The following GDA variants were observed in gnomAD, a reference collection of about 807,000 sequenced individuals.
GDA encodes the protein cytoplasmic PSD-95 interactor.
In GDA, 18 loss-of-function variants were observed where a neutral mutation model predicts 59.6. The ratio of observed to expected loss-of-function variants is 0.30; its 90% CI spans 0.21 to 0.45. The LOEUF is 0.45. Among genes scored for constraint, GDA ranks in the 20% least tolerant of loss-of-function variants. GDA has a pLI of 1.00. For synonymous variants in GDA, 201 were observed against 201.1 expected, an observed-to-expected ratio of 1.00 and a Z score of 0.00; for missense variants, 427 against 552.3, an observed-to-expected ratio of 0.77 and a Z score of 2.27.
chr9:72,230,965 G>A (rs1009124731), intron 9 of GDA, 149 bp from the exon 10 acceptor site: 4 of 645,194 alleles, frequency 6.2e-6, no homozygotes, highest in Non-Finnish European at 1.1e-5. Flanking sequence ...GACTTGGATG[G>A]TCTGATTTGA....
chr9:72,220,536 C>G (rs1183821237), intron 6 of GDA, among the ~76,000 whole-genome samples: 2 of 152,134 alleles, frequency 1.3e-5, no homozygotes, highest in Non-Finnish European at 2.9e-5. Flanking sequence ...TTTATTAGGA[C>G]AATCTCAGTC....
At chr9:72,171,362 A>G (rs1829954457) in intron 1 of GDA, among the ~76,000 whole-genome samples, 1 of 152,168 alleles carries the variant, frequency 6.6e-6, no homozygotes, top group South Asian at 2.1e-4. Context: ...TAAGCATACC[A>G]TGTATATTTG....
At chr9:72,160,580 GAAT>G (rs1283543474) in intron 1 of GDA, among the ~76,000 whole-genome samples, 1 of 152,156 alleles carries the variant, frequency 6.6e-6, no homozygotes, top group Non-Finnish European at 1.5e-5. Context: ...TTTTATGGCT[GAAT>G]AATAGTCCAT....
At chr9:72,182,509 A>C (rs1202796483) in intron 1 of GDA, among the ~76,000 whole-genome samples, 1 of 152,210 alleles carries the variant, frequency 6.6e-6, no homozygotes, top group Non-Finnish European at 1.5e-5. Context: ...TCAGTACATC[A>C]TATCAGGAGG....
At chr9:72,137,234 C>CTT (rs1165280819) in intron 1 of GDA, among the ~76,000 whole-genome samples, 1 of 93,414 alleles carries the variant, frequency 1.1e-5, no homozygotes, top group Non-Finnish European at 2.2e-5. Context: ...GGATCCTTTT[C>CTT]TTTTTTTCTT....
chr9:72,170,189 A>T (rs1268533271), intron 1 of GDA, among the ~76,000 whole-genome samples: 1 of 152,246 alleles, frequency 6.6e-6, no homozygotes, highest in Non-Finnish European at 1.5e-5. Context: ...TGCTGTGCTT[A>T]TGAAAACACA....
At chr9:72,220,608 C>T (rs1188106348) in intron 6 of GDA, among the ~76,000 whole-genome samples, 1 of 152,016 alleles carries the variant, frequency 6.6e-6, no homozygotes, top group African/African-American at 2.4e-5. Flanking sequence ...TTTTCCTTAC[C>T]CCCCTCTGGG....
chr9:72,207,425 G>A lies in GDA; in HGVS notation c.385-3262G>A, dbSNP rs187924659. ...TCACTCTTACTATTTATAATAACCT[G>A]TTCCTCTTTCAAGATATGACATCCT... is the stretch of plus-strand genomic sequence containing the variant. On this transcript the variant is annotated intron_variant, in intron 3 of 13. Transcript: ENST00000358399. Among the ~76,000 whole-genome samples the A allele has an allele frequency of 2.3e-4, 35 of 152,248 alleles. No homozygotes were observed. In the East Asian group the frequency reaches 6.4e-3, roughly 28 times the overall value.
intron 1 of GDA, among the ~76,000 whole-genome samples, chr9:72,121,551 C>A (rs930881419): frequency 6.6e-6 from 1 of 152,116 alleles, no homozygotes; most frequent in East Asian, 1.9e-4. Flanking sequence ...GAGCTGAGAT[C>A]GCGCCATTGC....
At chr9:72,252,802 T>C (rs1254552127), downstream of GDA, among the ~76,000 whole-genome samples, 3 of 152,292 alleles carry the variant, frequency 2.0e-5, no homozygotes, top group East Asian at 5.8e-4. Flanking sequence ...GCAGATATGT[T>C]ACTTTAAGTG....
At chr9:72,227,793 A>G (rs755213558) in intron 8 of GDA, 150 bp from the exon 9 acceptor site, 26 of 599,284 alleles carry the variant, frequency 4.3e-5, no homozygotes, top group Non-Finnish European at 7.8e-5. Context: ...GTACCTAGCA[A>G]CTTTGTACAT....
chr9:72,167,736 A>T (rs1404402554), intron 1 of GDA, among the ~76,000 whole-genome samples: 4 of 152,222 alleles, frequency 2.6e-5, no homozygotes, highest in African/African-American at 9.6e-5. Context: ...TGGTGTGCTA[A>T]TCAGTATCCC....
chr9:72,200,067 T>G (rs1397079848), intron 2 of GDA, among the ~76,000 whole-genome samples: 1 of 149,610 alleles, frequency 6.7e-6, no homozygotes, highest in East Asian at 2.0e-4. Flanking sequence ...GCATGATCTC[T>G]GCTCACCTCA....
chr9:72,246,074 AC>A (rs1376917522), intron 12 of GDA, among the ~76,000 whole-genome samples: 4 of 152,208 alleles, frequency 2.6e-5, no homozygotes, highest in Non-Finnish European at 4.4e-5. Flanking sequence ...ATTTTTCTCT[AC>A]CCATCTTAGG....
At chr9:72,123,872 C>A (rs1022800532) in intron 1 of GDA, among the ~76,000 whole-genome samples, 1 of 152,106 alleles carries the variant, frequency 6.6e-6, no homozygotes, top group Non-Finnish European at 1.5e-5. Flanking sequence ...ACAAAGAATT[C>A]ATTTAATTAA....
chr9:72,193,466 A>C (rs1047035920), intron 1 of GDA, among the ~76,000 whole-genome samples: 1 of 152,196 alleles, frequency 6.6e-6, no homozygotes, highest in Non-Finnish European at 1.5e-5. Context: ...TTCCCTTACT[A>C]TCTCCCAAAC....
intron 10 of GDA, among the ~76,000 whole-genome samples, chr9:72,238,341 G>A (rs1399301882): frequency 1.3e-5 from 2 of 152,130 alleles, no homozygotes; most frequent in Non-Finnish European, 2.9e-5. Flanking sequence ...CCTTAAAGAG[G>A]TCTTCCCTCA....
chr9:72,177,092 C>CTTTTTTT, intron 1 of GDA, among the ~76,000 whole-genome samples: 1 of 67,798 alleles, frequency 1.5e-5, no homozygotes, highest in Non-Finnish European at 2.7e-5. Flanking sequence ...TTATAAACTG[C>CTTTTTTT]TTTTTTTTTT....
chr9:72,157,603 T>C (rs1487368372), intron 1 of GDA, among the ~76,000 whole-genome samples: 1 of 152,220 alleles, frequency 6.6e-6, no homozygotes, highest in Non-Finnish European at 1.5e-5. Context: ...CCCTTTAGTG[T>C]CTCTGAGCTA....
Sources: gnomAD v4.1 joint callset for allele counts (sites outside exome capture counted in the v4.1 genomes callset) on GRCh38, gnomAD v4.1.1 for gene constraint, MANE v1.5 for transcripts, NCBI Gene and HGNC (gene_info 2026-07-23, HGNC 2026-07-21) for gene names.